Variants in MTMR14 observed in about 807,000 individuals in gnomAD.
MTMR14 encodes the protein myotubularin related protein 14.
A neutral mutation model predicts 86.3 loss-of-function variants in MTMR14; 48 were observed. The observed-to-expected ratio is 0.56, with a 90% CI of 0.44 to 0.71. The LOEUF is 0.71. MTMR14 is among the 30% of genes least tolerant of loss of function. The pLI is 0.00. For missense variants in MTMR14, 780 were observed against 834.6 expected, an observed-to-expected ratio of 0.93 and a Z score of 0.81; for synonymous variants, 366 against 326.1, an observed-to-expected ratio of 1.12 and a Z score of -1.32.
intron 13 of MTMR14, 120 bp downstream of exon 13, chr3:9,685,367 C>T: frequency 1.6e-6 from 2 of 1,240,692 alleles, no homozygotes; most frequent in Non-Finnish European, 2.4e-6. Flanking sequence ...AGGGATGTGG[C>T]CCCCTGTCAT....
chr3:9,670,951 G>A lies in MTMR14; in HGVS notation c.555-97G>A. 5 of 1,513,550 alleles carry A rather than the reference G, an allele frequency of 3.3e-6. No individual in the cohort carries two copies. In the South Asian group the frequency reaches 5.7e-5, roughly 17 times the overall value. 93.8% of individuals were successfully genotyped at this position (1,513,550 alleles called of 1,614,324 possible). ...CCTAGCACACGCCCCAGCTTCTGGA[G>A]AAGAGTGACATCCATACTTCCCTGA... On this transcript the variant is annotated intron_variant, in intron 5 of 18. Transcript: ENST00000296003.
chr3:9,650,134 C>T (rs1234399101), intron 1 of MTMR14, among the ~76,000 whole-genome samples: 1 of 152,114 alleles, frequency 6.6e-6, no homozygotes, highest in African/African-American at 2.4e-5. Flanking sequence ...GGAGACGATT[C>T]CTCGGGGTCA....
At chr3:9,698,998 G>A (rs970373535) in intron 18 of MTMR14, among the ~76,000 whole-genome samples, 5 of 151,912 alleles carry the variant, frequency 3.3e-5, no homozygotes, top group South Asian at 2.1e-4. Context: ...GAGAAACCCC[G>A]TCTCTACTAA....
intron 18 of MTMR14, among the ~76,000 whole-genome samples, chr3:9,698,497 G>A (rs1447329956): frequency 2.0e-5 from 3 of 152,248 alleles, no homozygotes; most frequent in Non-Finnish European, 2.9e-5. Context: ...GAAAGCCTCT[G>A]GTGGCCAGGG....
intron 2 of MTMR14, among the ~76,000 whole-genome samples, chr3:9,660,271 T>C (rs1014237610): frequency 1.3e-5 from 2 of 152,008 alleles, no homozygotes; most frequent in East Asian, 1.9e-4. Flanking sequence ...CTTTTTTTTT[T>C]TTCCCCCAGA....
intron 3 of MTMR14, among the ~76,000 whole-genome samples, chr3:9,667,840 T>C (rs1242548249): frequency 6.6e-6 from 1 of 152,198 alleles, no homozygotes; most frequent in East Asian, 1.9e-4. Context: ...CTTGGCAATC[T>C]TCCAGGGATC....
chr3:9,694,405 G>T (rs1050283410), intron 17 of MTMR14, among the ~76,000 whole-genome samples: 1 of 152,158 alleles, frequency 6.6e-6, no homozygotes, highest in African/African-American at 2.4e-5. Flanking sequence ...ACTTTGGGAG[G>T]CCAAGGTCAG....
At chr3:9,655,707 C>G (rs566531020) in intron 2 of MTMR14, among the ~76,000 whole-genome samples, 22 of 151,402 alleles carry the variant, frequency 1.5e-4, no homozygotes, top group Non-Finnish European at 3.2e-4. Context: ...ATGATCCAGC[C>G]GCCTCGGCCT....
chr3:9,685,229 G>C lies in MTMR14; in HGVS notation c.1146G>C (p.Arg382=), dbSNP rs1438049760. The C allele has an allele frequency of 6.2e-7, 1 of 1,614,072 alleles. No individual in the cohort carries two copies. The change falls in exon 13 of 19, where the codon CGG becomes CGC. Residue 382 remains arginine, a synonymous_variant. Coordinates refer to ENST00000296003, the MANE Select transcript of MTMR14 (RefSeq NM_001077525.3). ...WFLFGHMLVD[R]LSKGEEIFFF... ...TTTTCAGGCACATGTTGGTAGATCG[G>C]CTCAGCAAAGGGGAGGAGGTGAGTA...
chr3:9,657,840 C>A lies in MTMR14; in HGVS notation c.308+4071C>A, dbSNP rs574960093. ...CTGGGATTACAGGTATGAGCCACCG[C>A]GCCTGGCCCTCACCACTCTTTTATA... On this transcript the variant is annotated intron_variant, in intron 2 of 18. Coordinates refer to ENST00000296003, the MANE Select transcript of MTMR14 (RefSeq NM_001077525.3). Among the ~76,000 whole-genome samples the A allele has an allele frequency of 3.9e-5, 6 of 152,248 alleles. No individual in the cohort carries two copies. The South Asian group carries it at 1.2e-3, about 32-fold the overall frequency.
intron 13 of MTMR14, among the ~76,000 whole-genome samples, chr3:9,687,269 G>A (rs2075988733): frequency 6.6e-6 from 1 of 152,076 alleles, no homozygotes; most frequent in South Asian, 2.1e-4. Context: ...AAAAATCACT[G>A]GCCTGGCTGG....
intron 7 of MTMR14, among the ~76,000 whole-genome samples, chr3:9,675,082 G>T (rs755921387): frequency 3.3e-5 from 5 of 152,236 alleles, no homozygotes; most frequent in African/African-American, 2.4e-5. Context: ...TTGCACTCCA[G>T]TCTGGGCAAC....
At chr3:9,691,380 C>G (rs975550284) in intron 17 of MTMR14, among the ~76,000 whole-genome samples, 1 of 152,224 alleles carries the variant, frequency 6.6e-6, no homozygotes, top group African/African-American at 2.4e-5. Flanking sequence ...GCCGCACCAC[C>G]CTTGTCTGTG....
Position 9,653,669 on chromosome 3 carries a change from T to G in MTMR14, c.208T>G (p.Cys70Gly). ...RCLELFGRDY[C>G]FSVIPNTNGD... ...TCTGGAGCTGTTTGGCCGAGACTAC[T>G]GTTTCAGCGTGATTCCAAACACGAA... The change falls in exon 2 of 19, where the codon TGT (cysteine) becomes GGT (glycine). Residue 70 changes from cysteine (C) to glycine (G), a missense_variant. Transcript: ENST00000296003. 1 of 1,614,206 alleles carries G rather than the reference T, an allele frequency of 6.2e-7. No homozygotes were observed. The highest frequency in any genetic ancestry group is 8.5e-7 in the Non-Finnish European group (1 of 1,180,036).
chr3:9,662,830 T>G (rs556219362), intron 3 of MTMR14, among the ~76,000 whole-genome samples: 1 of 152,386 alleles, frequency 6.6e-6, no homozygotes, highest in South Asian at 2.1e-4. Flanking sequence ...CATCACCATG[T>G]AAAGCAGACA....
Position 9,649,517 on chromosome 3 carries a change from C to T in MTMR14, c.-67C>T, listed in dbSNP as rs1038615359. ...GAGGCGGTTCCGGAGGTTCTAGTGT[C>T]GGAGTTGGGTGCAGGCAGGTGCCAT... On this transcript the variant is annotated 5_prime_UTR_variant, in exon 1 of 19. Transcript: ENST00000296003. 26 of 1,485,690 alleles carry T rather than the reference C, an allele frequency of 1.8e-5. No homozygotes were observed. The African/African-American group carries it at 3.0e-4, about 17-fold the overall frequency. The allele number at this position is 1,485,690 out of a possible 1,614,324, so 92.0% of individuals were successfully genotyped here. A position where few individuals can be genotyped will look rare whatever the true frequency, so the allele number is the denominator to read the frequency against.
chr3:9,695,881 G>T (rs1017266929), intron 17 of MTMR14, among the ~76,000 whole-genome samples: 1 of 152,214 alleles, frequency 6.6e-6, no homozygotes, highest in Non-Finnish European at 1.5e-5. Flanking sequence ...GTGACCTGGA[G>T]GGGGCACAGG....
At chr3:9,659,466 C>G (rs1333904575) in intron 2 of MTMR14, among the ~76,000 whole-genome samples, 1 of 142,998 alleles carries the variant, frequency 7.0e-6, no homozygotes, top group Non-Finnish European at 1.5e-5. Context: ...TTTTTTAAGA[C>G]GGAGTCTCAT....
Position 9,677,249 on chromosome 3 carries a change from G to C in MTMR14, c.752-68G>C, listed in dbSNP as rs2075613743. 1.4e-5 allele frequency: 21 copies of C among 1,456,944 alleles called. No homozygotes were observed. Among genetic ancestry groups the C allele is most frequent in the Non-Finnish European group, 1.9e-5 (20 of 1,038,478 alleles). The allele number at this position is 1,456,944 out of a possible 1,614,324, so 90.3% of individuals were successfully genotyped here. ...CCACAGCACTCAGGGACCTGGGTCT[G>C]GCCAGGGCTGTCTCAGAAGACTTTG... On this transcript the variant is annotated intron_variant, in intron 7 of 18. Transcript: ENST00000296003. The surrounding 1 kb of genome is among the most constrained non-coding windows in gnomAD (Gnocchi z 4.2).
Sources: gnomAD v4.1 joint callset for allele counts (sites outside exome capture counted in the v4.1 genomes callset) on GRCh38, gnomAD v4.1.1 for gene constraint, Gnocchi (gnomAD v3.1) non-coding constraint, MANE v1.5 for transcripts, NCBI Gene and HGNC (gene_info 2026-07-23, HGNC 2026-07-21) for gene names.